The following HS6ST3 variants were observed in gnomAD, a reference collection of about 807,000 sequenced individuals.
The protein encoded by HS6ST3 is heparan sulfate 6-O-sulfotransferase 3, also known as heparan-sulfate 6-O-sulfotransferase 3.
Under a neutral mutation model 36.7 loss-of-function variants are expected in HS6ST3, and 12 were observed. The observed-to-expected ratio is 0.33, with a 90% confidence interval of 0.21 to 0.53. The LOEUF (loss-of-function observed/expected upper bound fraction) is 0.53. HS6ST3 is among the 20% of genes least tolerant of loss of function. The probability of loss-of-function intolerance (pLI) is 0.95; values close to 1 mark genes in which losing one functional copy is unlikely to be tolerated. For synonymous variants in HS6ST3, 240 were observed against 257.5 expected (o/e 0.93, Z 0.65); for missense variants, 584 against 640.9 (o/e 0.91, Z 0.96).
At chr13:96,529,737 G>A (rs932884850) in intron 1 of HS6ST3, among the ~76,000 whole-genome samples, 4 of 151,678 alleles carry the variant, frequency 2.6e-5, no homozygotes, top group South Asian at 2.1e-4. Context: ...TAAATATTAG[G>A]GCTAAATCAC....
intron 1 of HS6ST3, among the ~76,000 whole-genome samples, chr13:96,458,638 CAAA>C (rs762733654): frequency 1.2e-4 from 7 of 59,102 alleles, no homozygotes; most frequent in Admixed American, 1.9e-4. Context: ...GTTCTCAAGA[CAAA>C]AAAAAAAAAA....
At chr13:96,133,841 ATGT>A (rs1179175177) in intron 1 of HS6ST3, among the ~76,000 whole-genome samples, 561 of 49,324 alleles carry the variant, frequency 0.011, 4 homozygotes, top group African/African-American at 0.035. Flanking sequence ...TTGAGCTTTT[ATGT>A]TTTTTTTTTT....
intron 1 of HS6ST3, among the ~76,000 whole-genome samples, chr13:96,433,699 T>C (rs2055627505): frequency 6.6e-6 from 1 of 152,034 alleles, no homozygotes; most frequent in African/African-American, 2.4e-5. Context: ...CTTTGAGAGG[T>C]TGAAGTTGGA....
chr13:96,829,064 G>C (rs980504629), intron 1 of HS6ST3, among the ~76,000 whole-genome samples: 9 of 152,044 alleles, frequency 5.9e-5, no homozygotes. Context: ...TATTCTCTCT[G>C]TTGACTCTTA....
At chr13:96,680,451 G>T (rs1200354750) in intron 1 of HS6ST3, among the ~76,000 whole-genome samples, 1 of 152,158 alleles carries the variant, frequency 6.6e-6, no homozygotes, top group Non-Finnish European at 1.5e-5. Flanking sequence ...TTGAGGCTGG[G>T]TGGTTAGGCA....
chr13:96,466,353 C>A (rs1036733883), intron 1 of HS6ST3, among the ~76,000 whole-genome samples: 1 of 152,154 alleles, frequency 6.6e-6, no homozygotes, highest in Non-Finnish European at 1.5e-5. Flanking sequence ...ACTATAGTCA[C>A]CATGTTGTAG....
chr13:96,489,008 T>C (rs1286148231), intron 1 of HS6ST3, among the ~76,000 whole-genome samples: 1 of 152,102 alleles, frequency 6.6e-6, no homozygotes, highest in Non-Finnish European at 1.5e-5. Flanking sequence ...CTTTGTTTAC[T>C]GAAGAGGAAG....
chr13:96,466,074 A>G (rs2055812168), intron 1 of HS6ST3, among the ~76,000 whole-genome samples: 1 of 152,014 alleles, frequency 6.6e-6, no homozygotes, highest in African/African-American at 2.4e-5. Flanking sequence ...TGAGGTCAGG[A>G]GTTCGAGATC....
intron 1 of HS6ST3, among the ~76,000 whole-genome samples, chr13:96,299,822 A>T (rs1372891974): frequency 6.6e-6 from 1 of 152,124 alleles, no homozygotes; most frequent in Admixed American, 6.6e-5. Flanking sequence ...AAATTATGAT[A>T]TGAACAAGTT....
At position 96,509,885 on chromosome 13, in the gene HS6ST3, T is replaced by C. The variant is rs187538093; in HGVS notation, c.708-322605T>C. ...TTTTTTCCAATTCTGTGAAAAATTATCTTGGTATTTTGACAGGAATTGCAT... is the reference window on the plus strand; with the variant it reads ...TTTTTTCCAATTCTGTGAAAAATTACCTTGGTATTTTGACAGGAATTGCAT... On this transcript the variant is annotated intron_variant, in intron 1 of 1. Coordinates refer to ENST00000376705, the MANE Select transcript of HS6ST3 (RefSeq NM_153456.4). 9.7e-4 allele frequency among the ~76,000 whole-genome samples: 147 copies of C among 152,234 alleles called. 1 individual carries two copies. The highest frequency in any genetic ancestry group is 3.5e-3 in the African/African-American group (146 of 41,568).
chr13:96,635,602 C>A (rs1229870930), intron 1 of HS6ST3, among the ~76,000 whole-genome samples: 1 of 152,176 alleles, frequency 6.6e-6, no homozygotes, highest in Non-Finnish European at 1.5e-5. Context: ...AACCTCCAAT[C>A]ACATTGTATA....
In HS6ST3 at chr13:96,809,181, C is replaced by G. The variant is rs1421709283; in HGVS notation, c.708-23309C>G. ...GTTTGAGTTATGGTTCTTGTTAGCC[C>G]TGTAATAATGTATTCTTTTTTTTAA... is the stretch of plus-strand genomic sequence containing the variant. On this transcript the variant is annotated intron_variant, in intron 1 of 1. Coordinates refer to ENST00000376705, the MANE Select transcript of HS6ST3 (RefSeq NM_153456.4). Among the ~76,000 whole-genome samples the G allele has an allele frequency of 2.6e-5, 4 of 152,052 alleles. No individual in the cohort carries two copies. In the East Asian group the frequency reaches 7.7e-4, roughly 29 times the overall value.
chr13:96,583,148 A>G (rs975870820), intron 1 of HS6ST3, among the ~76,000 whole-genome samples: 1 of 101,172 alleles, frequency 9.9e-6, no homozygotes, highest in South Asian at 3.0e-4. Context: ...TTAAAACTCT[A>G]TTTATGTCAT....
intron 1 of HS6ST3, among the ~76,000 whole-genome samples, chr13:96,765,117 A>T (rs1877070549): frequency 7.8e-6 from 1 of 127,774 alleles, no homozygotes; most frequent in Non-Finnish European, 1.5e-5. Flanking sequence ...CCCACGCCGG[A>T]CTGCGGACTG....
At chr13:96,586,399 G>T (rs1490426704) in intron 1 of HS6ST3, among the ~76,000 whole-genome samples, 1 of 151,984 alleles carries the variant, frequency 6.6e-6, no homozygotes, top group Non-Finnish European at 1.5e-5. Context: ...AGGTTCAAGT[G>T]ATTCTCCTGC....
At chr13:96,368,444 G>T (rs2055274015) in intron 1 of HS6ST3, among the ~76,000 whole-genome samples, 1 of 151,508 alleles carries the variant, frequency 6.6e-6, no homozygotes, top group Non-Finnish European at 1.5e-5. Flanking sequence ...TGAAAAAAAG[G>T]ACTTCTCACA....
chr13:96,489,961 T>A (rs991614926), intron 1 of HS6ST3, among the ~76,000 whole-genome samples: 1 of 152,142 alleles, frequency 6.6e-6, no homozygotes, highest in African/African-American at 2.4e-5. Flanking sequence ...TCATTCTATT[T>A]TCTTATGTAG....
intron 1 of HS6ST3, among the ~76,000 whole-genome samples, chr13:96,800,718 T>G (rs538746184): frequency 1.1e-4 from 16 of 152,074 alleles, no homozygotes; most frequent in Admixed American, 5.9e-4. Context: ...GTCCCCGAGA[T>G]CCTACGAATG....
intron 1 of HS6ST3, among the ~76,000 whole-genome samples, chr13:96,101,017 G>A (rs1421426982): frequency 6.6e-6 from 1 of 152,094 alleles, no homozygotes; most frequent in African/African-American, 2.4e-5. Flanking sequence ...CTCTCCAAAG[G>A]AACAGTTAGC....
Sources: gnomAD v4.1 joint callset for allele counts (sites outside exome capture counted in the v4.1 genomes callset) on GRCh38, gnomAD v4.1.1 for gene constraint, MANE v1.5 for transcripts, NCBI Gene and HGNC (gene_info 2026-07-23, HGNC 2026-07-21) for gene names.